CTNNA3: variants seen among roughly 807,000 people sequenced by gnomAD.
The protein encoded by CTNNA3 is catenin alpha 3.
Under a neutral mutation model 95.7 loss-of-function variants are expected in CTNNA3, and 76 were observed. The ratio of observed to expected loss-of-function variants is 0.79; its 90% CI spans 0.66 to 0.96. The LOEUF (loss-of-function observed/expected upper bound fraction) is 0.96, where lower values mean the gene tolerates loss of function less well. Among genes scored for constraint, CTNNA3 ranks in the 40% least tolerant of loss-of-function variants. CTNNA3 has a pLI of 0.00. For synonymous variants in CTNNA3, 431 were observed against 374.4 expected (o/e 1.15, Z -1.74); for missense variants, 1,191 against 1,089.8 (o/e 1.09, Z -1.31).
intron 11 of CTNNA3, among the ~76,000 whole-genome samples, chr10:66,441,020 G>A (rs962308451): frequency 1.3e-5 from 2 of 151,928 alleles, no homozygotes; most frequent in East Asian, 1.9e-4. Flanking sequence ...ACCAAGCCAG[G>A]CACAAAAAAC....
rs75627235 is a variant in CTNNA3, at chr10:67,668,155, G to A, written c.-5-20637C>T. Among the ~76,000 whole-genome samples the A allele has an allele frequency of 6.4e-3, 978 of 152,034 alleles. 15 individuals are homozygous for A. The highest frequency in any genetic ancestry group is 0.022 in the African/African-American group (924 of 41,442). On this transcript the variant is annotated intron_variant, in intron 1 of 17. Transcript: ENST00000433211. ...GTGCCTTAAGAACCTACATCTAAAG[G>A]CCTTATTAGCCTCAATTCTATTTGT... is the stretch of plus-strand genomic sequence containing the variant.
chr10:66,266,122 AG>A lies in CTNNA3; in HGVS notation c.1884+14347del, dbSNP rs1343878553. On this transcript the variant is annotated intron_variant, in intron 13 of 17. Transcript: ENST00000433211. ...AAGAGAGGGAGGAAGGAAGGAAGGA[AG>A]GAAAGAAGGAAGGAAGGAAAGAAGG... 1.1e-4 allele frequency among the ~76,000 whole-genome samples: 12 copies of A among 109,878 alleles called. No individual in the cohort carries two copies. The East Asian group carries it at 3.3e-3, about 30-fold the overall frequency. The allele number at this position is 109,878 out of a possible 152,430, so 72.1% of individuals were successfully genotyped here. A position where few individuals can be genotyped will look rare whatever the true frequency, so the allele number is the denominator to read the frequency against.
intron 7 of CTNNA3, among the ~76,000 whole-genome samples, chr10:66,884,960 A>G (rs1844989205): frequency 6.6e-6 from 1 of 152,114 alleles, no homozygotes; most frequent in South Asian, 2.1e-4. Context: ...CAAAGGAAAG[A>G]AATACTGATT....
chr10:66,575,238 A>C (rs542367190), intron 10 of CTNNA3, among the ~76,000 whole-genome samples: 1 of 152,114 alleles, frequency 6.6e-6, no homozygotes, highest in South Asian at 2.1e-4. Flanking sequence ...AGGTAAATGT[A>C]ACTACTATTT....
chr10:66,503,034 T>G (rs1016145530), intron 11 of CTNNA3, among the ~76,000 whole-genome samples: 1 of 152,180 alleles, frequency 6.6e-6, no homozygotes, highest in Non-Finnish European at 1.5e-5. Flanking sequence ...AGTCTATTAT[T>G]GGGACAGGTT....
chr10:66,716,827 C>T (rs926656062), intron 9 of CTNNA3, among the ~76,000 whole-genome samples: 1 of 152,200 alleles, frequency 6.6e-6, no homozygotes, highest in Non-Finnish European at 1.5e-5. Flanking sequence ...GTGCGTCACC[C>T]GACTTTGGTC....
At chr10:66,914,522 C>T (rs571193363) in intron 7 of CTNNA3, among the ~76,000 whole-genome samples, 1 of 144,382 alleles carries the variant, frequency 6.9e-6, no homozygotes, top group African/African-American at 2.6e-5. Context: ...GTAGTGGCAC[C>T]GCAGCAAGCA....
chr10:66,195,062 A>G (rs1473781504), intron 13 of CTNNA3, among the ~76,000 whole-genome samples: 1 of 152,204 alleles, frequency 6.6e-6, no homozygotes, highest in Non-Finnish European at 1.5e-5. Context: ...AGACTTGGGC[A>G]TATACATGTT....
chr10:66,628,974 G>T (rs1264287567), intron 9 of CTNNA3, among the ~76,000 whole-genome samples: 1 of 152,022 alleles, frequency 6.6e-6, no homozygotes, highest in African/African-American at 2.4e-5. Context: ...AGTTCTTGGA[G>T]GTATATAAGA....
At chr10:66,367,299 A>C (rs1433139628) in intron 12 of CTNNA3, among the ~76,000 whole-genome samples, 1 of 152,112 alleles carries the variant, frequency 6.6e-6, no homozygotes, top group Non-Finnish European at 1.5e-5. Context: ...AACTAGTTCA[A>C]GCCTTCTTAT....
intron 7 of CTNNA3, among the ~76,000 whole-genome samples, chr10:66,888,517 T>G (rs887461482): frequency 2.0e-5 from 3 of 151,846 alleles, no homozygotes; most frequent in Non-Finnish European, 4.4e-5. Flanking sequence ...TACCAGATCA[T>G]GCAGGCCTTT....
intron 7 of CTNNA3, among the ~76,000 whole-genome samples, chr10:66,953,457 A>G (rs1445468394): frequency 6.6e-6 from 1 of 152,266 alleles, no homozygotes; most frequent in East Asian, 1.9e-4. Flanking sequence ...TGATGATTAC[A>G]TTACATTTTT....
intron 5 of CTNNA3, among the ~76,000 whole-genome samples, chr10:67,411,451 G>C (rs1046844559): frequency 2.0e-5 from 3 of 152,050 alleles, no homozygotes; most frequent in African/African-American, 7.2e-5. Flanking sequence ...CCTTTTTATG[G>C]TCATAGTTTT....
intron 5 of CTNNA3, among the ~76,000 whole-genome samples, chr10:67,495,806 G>T (rs894498603): frequency 3.3e-5 from 5 of 152,080 alleles, no homozygotes; most frequent in African/African-American, 9.7e-5. Flanking sequence ...CCATTATATG[G>T]GAATTATAAG....
intron 5 of CTNNA3, among the ~76,000 whole-genome samples, chr10:67,429,128 G>A (rs145450450): frequency 1.5e-3 from 225 of 151,872 alleles, no homozygotes; most frequent in African/African-American, 4.7e-3. Context: ...TTAACTCTAC[G>A]AATTAGTTTT....
chr10:66,656,597 T>C (rs529613391), intron 9 of CTNNA3, among the ~76,000 whole-genome samples: 1 of 152,116 alleles, frequency 6.6e-6, no homozygotes. Context: ...GCCTCTAGTG[T>C]GCATTTTATT....
intron 11 of CTNNA3, among the ~76,000 whole-genome samples, chr10:66,391,489 T>C (rs2092933350): frequency 6.6e-6 from 1 of 152,134 alleles, no homozygotes; most frequent in Non-Finnish European, 1.5e-5. Context: ...CAGGCCCACC[T>C]GGCAAATATC....
At chr10:67,349,587 A>G (rs1407937725) in intron 5 of CTNNA3, among the ~76,000 whole-genome samples, 1 of 152,162 alleles carries the variant, frequency 6.6e-6, no homozygotes, top group Non-Finnish European at 1.5e-5. Flanking sequence ...AGGGGAGTAA[A>G]GTTTCAATTA....
At chr10:67,406,214 A>G (rs1845133529) in intron 5 of CTNNA3, among the ~76,000 whole-genome samples, 1 of 152,242 alleles carries the variant, frequency 6.6e-6, no homozygotes, top group Non-Finnish European at 1.5e-5. Flanking sequence ...CTGTGAGTCA[A>G]TTAAACCTCT....
Sources: allele counts gnomAD v4.1 joint callset (sites outside exome capture counted in the v4.1 genomes callset), GRCh38; gene constraint gnomAD v4.1.1; transcripts MANE v1.5; gene names NCBI Gene and HGNC (gene_info 2026-07-23, HGNC 2026-07-21).